Variants in OSGEP observed in about 807,000 individuals in gnomAD.
The protein encoded by OSGEP is tRNA N6-adenosine threonylcarbamoyltransferase.
A neutral mutation model predicts 44.1 loss-of-function variants in OSGEP; 39 were observed. The observed-to-expected ratio is 0.88, with a 90% CI of 0.69 to 1.16. The LOEUF (loss-of-function observed/expected upper bound fraction) is 1.16. Among genes scored for constraint, OSGEP ranks in the 50% most tolerant of loss-of-function variants. The pLI is 0.00. For missense variants in OSGEP, 403 were observed against 443.1 expected (o/e 0.91, Z 0.81); for synonymous variants, 139 against 161.9 (o/e 0.86, Z 1.07).
chr14:20,450,670 A>T (rs1277495446), intron 3 of OSGEP: 1 of 152,218 alleles, frequency 6.6e-6, no homozygotes, highest in African/African-American at 2.4e-5. Flanking sequence ...CATGTGCCTC[A>T]TCTTCTCGAC....
In OSGEP at chr14:20,452,116, G is replaced by A; in HGVS notation, c.269C>T (p.Ala90Val). Reference protein sequence around the residue: ...PGMGAPLVSVAVVARTVAQLW... With the variant: ...PGMGAPLVSVVVVARTVAQLW... ...TTGGGCCACAGTACGGGCCACAACA[G>A]CCACAGAAACCAGTGGGGCACCCAT... Residue 90 changes from alanine to valine, a missense_variant, in exon 3 of 11, where the codon GCT becomes GTT. Transcript: ENST00000206542. The A allele has an allele frequency of 6.2e-7, 1 of 1,613,250 alleles. No homozygotes were observed. Among genetic ancestry groups the A allele is most frequent in the Non-Finnish European group, 8.5e-7 (1 of 1,179,658 alleles).
chr14:20,449,116 T>C, intron 4 of OSGEP, 55 bp downstream of exon 4: 1 of 1,512,916 alleles, frequency 6.6e-7, no homozygotes. Context: ...TCCACCTCCA[T>C]GGCTTCCCAA....
At chr14:20,450,299 G>T (rs1881062481) in intron 3 of OSGEP, 1 of 152,076 alleles carries the variant, frequency 6.6e-6, no homozygotes, top group Non-Finnish European at 1.5e-5. Flanking sequence ...TAACACCGAG[G>T]GCTTCCTACG....
chr14:20,449,363 G>C, intron 3 of OSGEP, 97 bp from the exon 4 acceptor site: 1 of 762,958 alleles, frequency 1.3e-6, no homozygotes, highest in Admixed American at 1.9e-5. Context: ...ATGACCACCA[G>C]GGCTTCCAAT....
chr14:20,448,790 C>T lies in OSGEP; in HGVS notation c.579G>A (p.Leu193=). ...MAKRGKKLVE[L]PYTVKGMDVS... ...CGTCCATCCCCTTTACAGTGTATGG[C>T]AGCTCAACTAGCTTCTTGCCTCTAT... The change falls in exon 6 of 11, where the codon CTG becomes CTA. Residue 193 remains leucine (L), a synonymous_variant. Coordinates refer to ENST00000206542, the MANE Select transcript of OSGEP (RefSeq NM_017807.4). 6.2e-7 allele frequency: 1 copy of T among 1,612,846 alleles called. No homozygotes were observed. Among genetic ancestry groups the T allele is most frequent in the Non-Finnish European group, 8.5e-7 (1 of 1,178,856 alleles).
Position 20,454,730 on chromosome 14 carries a change from G to GACCTCCAC in OSGEP, c.-48_-47insGTGGAGGT. ...CCGACAGGACTCCTGGCAATGTCAG[G>GACCTCCAC]AGCTGTGGAGGTCCTCACTAGTCCG... On this transcript the variant is annotated 5_prime_UTR_variant, in exon 1 of 11. Transcript: ENST00000206542. 3 of 1,425,246 alleles carry GACCTCCAC rather than the reference G, an allele frequency of 2.1e-6. No individual in the cohort carries two copies. Among genetic ancestry groups the GACCTCCAC allele is most frequent in the South Asian group, 1.2e-5 (1 of 86,880 alleles). The allele number at this position is 1,425,246 out of a possible 1,614,324, so 88.3% of individuals were successfully genotyped here. A position where few individuals can be genotyped will look rare whatever the true frequency, so the allele number is the denominator to read the frequency against.
Position 20,454,415 on chromosome 14 carries a change from C to T in OSGEP, c.115+154G>A. The T allele has an allele frequency of 9.7e-6, 7 of 724,824 alleles. 1 individual carries two copies. The South Asian group carries it at 1.1e-4, about 11-fold the overall frequency. 44.9% of individuals were successfully genotyped at this position (724,824 alleles called of 1,614,324 possible). ...CAGATCCACGTCCAAGTGCCTGTAA[C>T]TCTTCTAGTCATCAGCCTTGTGACG... On this transcript the variant is annotated intron_variant, in intron 1 of 10. Coordinates refer to ENST00000206542, the MANE Select transcript of OSGEP (RefSeq NM_017807.4).
At chr14:20,451,134 T>C (rs117295496) in intron 3 of OSGEP, 204 of 154,796 alleles carry the variant, frequency 1.3e-3, no homozygotes, top group Non-Finnish European at 2.3e-3. Flanking sequence ...ATAAATAAGA[T>C]AAAATAAAAT....
At position 20,454,672 on chromosome 14, in the gene OSGEP, C is replaced by A; in HGVS notation, c.12G>T (p.Val4=). The A allele has an allele frequency of 6.2e-7, 1 of 1,613,564 alleles. No homozygotes were observed. Among genetic ancestry groups the A allele is most frequent in the Non-Finnish European group, 8.5e-7 (1 of 1,179,588 alleles). The change falls in exon 1 of 11, where the codon GTG becomes GTT. Residue 4 remains valine, a synonymous_variant. Transcript: ENST00000206542. MPA[V]LGFEGSANKI... is the part of the protein sequence containing the mutation. Reference sequence around the variant, plus strand: ...TATTGGCGCTGCCTTCAAAACCCAGCACCGCCGGCATGGCGGAGGCTGGGA... The same window carrying A: ...TATTGGCGCTGCCTTCAAAACCCAGAACCGCCGGCATGGCGGAGGCTGGGA...
Sources: allele counts gnomAD v4.1 joint callset, GRCh38; gene constraint gnomAD v4.1.1; transcripts MANE v1.5; gene names NCBI Gene and HGNC (gene_info 2026-07-23, HGNC 2026-07-21).